Variants in USP13 observed in about 807,000 individuals in gnomAD.
The protein encoded by USP13 is ubiquitin specific peptidase 13.
USP13 carries 68 observed loss-of-function variants against 107.8 expected under a neutral mutation model. That is an observed-to-expected ratio of 0.63 (90% CI 0.52 to 0.77). The LOEUF (loss-of-function observed/expected upper bound fraction) is 0.77. Among genes scored for constraint, USP13 ranks in the 30% least tolerant of loss-of-function variants. USP13 has a pLI of 0.00. For missense variants in USP13, 945 were observed against 1,093.3 expected, an observed-to-expected ratio of 0.86 and a Z score of 1.91; for synonymous variants, 377 against 389.5, an observed-to-expected ratio of 0.97 and a Z score of 0.38.
chr3:179,778,280 G>A (rs1025774476), intron 19 of USP13, among the ~76,000 whole-genome samples: 5 of 152,104 alleles, frequency 3.3e-5, no homozygotes, highest in Non-Finnish European at 2.9e-5. Flanking sequence ...GAAATGAAGC[G>A]AAAGGAGTCA....
intron 4 of USP13, among the ~76,000 whole-genome samples, chr3:179,702,310 C>A (rs996584236): frequency 6.6e-6 from 1 of 152,178 alleles, no homozygotes; most frequent in African/African-American, 2.4e-5. Flanking sequence ...TGAGCCACCG[C>A]GCCCGGCCTG....
intron 17 of USP13, 46 bp downstream of exon 17, chr3:179,761,301 T>C: frequency 6.2e-7 from 1 of 1,609,192 alleles, no homozygotes; most frequent in Non-Finnish European, 8.5e-7. Context: ...GATGTGACCC[T>C]CAGTGATGCT....
chr3:179,725,786 A>G (rs1002557190), intron 8 of USP13, among the ~76,000 whole-genome samples: 1 of 152,218 alleles, frequency 6.6e-6, no homozygotes, highest in Admixed American at 6.5e-5. Flanking sequence ...TGATTTAGAT[A>G]AAGTTGCTGC....
At chr3:179,761,305 T>G in intron 17 of USP13, 50 bp downstream of exon 17, 1 of 1,607,076 alleles carries the variant, frequency 6.2e-7, no homozygotes, top group South Asian at 1.1e-5. Context: ...TGACCCTCAG[T>G]GATGCTGAGT....
At position 179,730,199 on chromosome 3, in the gene USP13, A is replaced by G. The variant is rs2108504075; in HGVS notation, c.1099A>G (p.Asn367Asp). The change falls in exon 9 of 21, where the codon AAC becomes GAC. Residue 367 changes from asparagine (N) to aspartate (D), a missense_variant. Asn to Asp is a conservative substitution (Grantham distance 23). Coordinates refer to ENST00000263966, the MANE Select transcript of USP13 (RefSeq NM_003940.3). ...CCTCTCATTTTCTAGGTATGTAGGA[A>G]ACCTTCCCAGAATATTTGACTACTC... ...IPEFQRAYVG[N>D]LPRIFDYSPL... 6.2e-7 allele frequency: 1 copy of G among 1,613,534 alleles called. No individual in the cohort carries two copies. Among genetic ancestry groups the G allele is most frequent in the Non-Finnish European group, 8.5e-7 (1 of 1,179,784 alleles).
Position 179,653,232 on chromosome 3 carries a change from C to A in USP13, c.7C>A (p.Arg3Ser), listed in dbSNP as rs1720137700. ...TCCGGTGCGCGCCGAGGCCATGCAG[C>A]GCCGGGGCGCCCTGTTCGGCATGCC... MQRRGALFGMPGG... is the reference protein window; with the variant it reads MQSRGALFGMPGG... The change falls in exon 1 of 21, where the codon CGC becomes AGC. Residue 3 changes from arginine to serine, a missense_variant. Coordinates refer to ENST00000263966, the MANE Select transcript of USP13 (RefSeq NM_003940.3). The surrounding 1 kb of genome is among the most constrained non-coding windows in gnomAD (Gnocchi z 4.0). 4 of 1,544,582 alleles carry A rather than the reference C, an allele frequency of 2.6e-6. No homozygotes were observed. Among genetic ancestry groups the A allele is most frequent in the Non-Finnish European group, 3.5e-6 (4 of 1,145,510 alleles).
At chr3:179,756,441 CAAACAAAA>C (rs1714803924) in intron 15 of USP13, among the ~76,000 whole-genome samples, 1 of 132,404 alleles carries the variant, frequency 7.6e-6, no homozygotes, top group African/African-American at 2.9e-5. Flanking sequence ...AACAAACAAA[CAAACAAAA>C]AATACAGAGA....
intron 19 of USP13, among the ~76,000 whole-genome samples, chr3:179,778,648 C>T (rs574827669): frequency 1.7e-4 from 26 of 152,088 alleles, no homozygotes; most frequent in Non-Finnish European, 3.2e-4. Flanking sequence ...TGCCTGTAGT[C>T]CCAGCTACTT....
At chr3:179,660,860 G>T (rs1417654412) in intron 1 of USP13, among the ~76,000 whole-genome samples, 2 of 152,166 alleles carry the variant, frequency 1.3e-5, no homozygotes, top group Non-Finnish European at 2.9e-5. Flanking sequence ...CATGTCAAAA[G>T]CTTCCTTCCA....
chr3:179,728,455 A>AGATGG (rs1402325114), intron 8 of USP13, among the ~76,000 whole-genome samples: 2 of 145,288 alleles, frequency 1.4e-5, no homozygotes, highest in African/African-American at 5.2e-5. Flanking sequence ...CTCACTTCCT[A>AGATGG]GATGGGATGG....
Position 179,653,464 on chromosome 3 carries a change from G to C in USP13, c.168+71G>C, listed in dbSNP as rs555102613. On this transcript the variant is annotated intron_variant, in intron 1 of 20. Coordinates refer to ENST00000263966, the MANE Select transcript of USP13 (RefSeq NM_003940.3). This position sits in a 1 kb window ranked among gnomAD's most constrained non-coding sequence, Gnocchi z 4.0. ...GGCACGTGAAGCCGGGGGAGAAGATGCGCAGTGGCGGCCGGGACCTCTTCT... is the reference window on the plus strand; with the variant it reads ...GGCACGTGAAGCCGGGGGAGAAGATCCGCAGTGGCGGCCGGGACCTCTTCT... The C allele has an allele frequency of 7.9e-6, 12 of 1,511,314 alleles. No individual in the cohort carries two copies. Among genetic ancestry groups the C allele is most frequent in the Non-Finnish European group, 9.8e-6 (11 of 1,124,544 alleles). The allele number at this position is 1,511,314 out of a possible 1,614,324, so 93.6% of individuals were successfully genotyped here.
chr3:179,721,641 A>G lies in USP13; in HGVS notation c.1088+52A>G. 6.3e-7 allele frequency: 1 copy of G among 1,580,316 alleles called. No homozygotes were observed. The highest frequency in any genetic ancestry group is 2.2e-5 in the East Asian group (1 of 44,486). On this transcript the variant is annotated intron_variant, in intron 8 of 20. Coordinates refer to ENST00000263966, the MANE Select transcript of USP13 (RefSeq NM_003940.3). This position sits in a 1 kb window ranked among gnomAD's most constrained non-coding sequence, Gnocchi z 4.3. ...CACGCGGCACCTCCCTGCCCCATCT[A>G]GGTCCAGTCCACTCAGTGTGCGCTG...
rs560236894 is a variant in USP13, at chr3:179,708,839, C to T, written c.687C>T (p.Val229=). 1.2e-6 allele frequency: 2 copies of T among 1,614,154 alleles called. No homozygotes were observed. Among genetic ancestry groups the T allele is most frequent in the South Asian group, 1.1e-5 (1 of 91,070 alleles). Residue 229 remains valine, a synonymous_variant, in exon 6 of 21, where the codon GTC becomes GTT. Transcript: ENST00000263966. ...GGTTGAATCTGACTGACGGCTCTGTCCTGTGTGGAAAGTGGTTCTTTGACA... is the reference window on the plus strand; with the variant it reads ...GGTTGAATCTGACTGACGGCTCTGTTCTGTGTGGAAAGTGGTTCTTTGACA... ...NLWLNLTDGS[V]LCGKWFFDSS... is the part of the protein sequence containing the mutation.
At chr3:179,756,638 G>C (rs1714812072) in intron 15 of USP13, among the ~76,000 whole-genome samples, 1 of 151,986 alleles carries the variant, frequency 6.6e-6, no homozygotes, top group African/African-American at 2.4e-5. Flanking sequence ...TGTGCCTGTA[G>C]TTCCAGCTAC....
chr3:179,667,214 G>A (rs915049879), intron 1 of USP13, among the ~76,000 whole-genome samples: 2 of 151,678 alleles, frequency 1.3e-5, no homozygotes, highest in African/African-American at 4.8e-5. Flanking sequence ...CTTTTACTCG[G>A]TAATTCTGCA....
intron 6 of USP13, among the ~76,000 whole-genome samples, 166 bp downstream of exon 6, chr3:179,709,123 A>C (rs1315455807): frequency 6.6e-6 from 1 of 152,188 alleles, no homozygotes; most frequent in African/African-American, 2.4e-5. Flanking sequence ...CAAGTTTTCT[A>C]ATCTCCCTAA....
chr3:179,709,629 C>T (rs151145878), intron 6 of USP13, among the ~76,000 whole-genome samples: 9 of 152,100 alleles, frequency 5.9e-5, no homozygotes, highest in Admixed American at 2.0e-4. Context: ...TACCATTTTG[C>T]GAGGGAAAAA....
rs903899739 is a variant in USP13 at position 179,708,481 on chromosome 3, A to G, written c.621-292A>G. 2.6e-5 allele frequency among the ~76,000 whole-genome samples: 4 copies of G among 151,918 alleles called. No homozygotes were observed. The South Asian group carries it at 8.3e-4, about 32-fold the overall frequency. On this transcript the variant is annotated intron_variant, in intron 5 of 20. Coordinates refer to ENST00000263966, the MANE Select transcript of USP13 (RefSeq NM_003940.3). ...AGGTGCCCACCACCACACCTGGCTA[A>G]TCATTGTATTTTTAATAGAGACGGG...
In USP13 at chr3:179,707,190, T is replaced by C. The variant is rs535174138; in HGVS notation, c.620+114T>C. On this transcript the variant is annotated intron_variant, in intron 5 of 20. Coordinates refer to ENST00000263966, the MANE Select transcript of USP13 (RefSeq NM_003940.3). Reference sequence around the variant, plus strand: ...ATATTTTTTCTTACCAGATGCCTTTTATTAAAAGTAAATATAAAACTTCTC... The same window carrying C: ...ATATTTTTTCTTACCAGATGCCTTTCATTAAAAGTAAATATAAAACTTCTC... 890 of 1,317,858 alleles carry C rather than the reference T, an allele frequency of 6.8e-4. 1 individual carries two copies. The highest frequency in any genetic ancestry group is 8.7e-4 in the Non-Finnish European group (852 of 983,110). The allele number at this position is 1,317,858 out of a possible 1,614,324, so 81.6% of individuals were successfully genotyped here.
Sources: allele counts gnomAD v4.1 joint callset (sites outside exome capture counted in the v4.1 genomes callset), GRCh38; gene constraint gnomAD v4.1.1; non-coding constraint Gnocchi (gnomAD v3.1); transcripts MANE v1.5; gene names NCBI Gene and HGNC (gene_info 2026-07-23, HGNC 2026-07-21).